The following SYTL3 variants were observed in gnomAD, a reference collection of about 807,000 sequenced individuals.
SYTL3 encodes synaptotagmin like 3.
Under a neutral mutation model 82.1 loss-of-function variants are expected in SYTL3, and 88 were observed. The ratio of observed to expected loss-of-function variants is 1.07; its 90% confidence interval spans 0.90 to 1.28. The LOEUF is 1.28. Ranked by LOEUF, SYTL3 falls within the 50% of genes most tolerant of loss-of-function variation. The pLI, the probability that SYTL3 is intolerant of heterozygous loss-of-function variation, is 0.00. For synonymous variants in SYTL3, 311 were observed against 289.4 expected (o/e 1.07, Z -0.76); for missense variants, 831 against 757.6 (o/e 1.10, Z -1.14).
intron 13 of SYTL3, among the ~76,000 whole-genome samples, chr6:158,752,953 G>C (rs984918712): frequency 6.6e-6 from 1 of 152,086 alleles, no homozygotes; most frequent in African/African-American, 2.4e-5. Flanking sequence ...ATTTACCCAC[G>C]GGGAAACTGA....
At chr6:158,699,223 A>G (rs915716906) in intron 6 of SYTL3, among the ~76,000 whole-genome samples, 2 of 152,166 alleles carry the variant, frequency 1.3e-5, no homozygotes, top group Non-Finnish European at 2.9e-5. Flanking sequence ...GGGACATTCC[A>G]GGGAGTCTGC....
chr6:158,763,241 C>A, intron 16 of SYTL3, 63 bp from the exon 17 acceptor site: 2 of 1,484,190 alleles, frequency 1.3e-6, no homozygotes, highest in Non-Finnish European at 1.9e-6. Flanking sequence ...CACTGACGCA[C>A]AGGCCTCAGG....
rs138802967 is a variant in SYTL3 at position 158,679,143 on chromosome 6, G to T, written c.330-3782G>T. Among the ~76,000 whole-genome samples the T allele has an allele frequency of 4.6e-5, 7 of 152,258 alleles. No homozygotes were observed. In the East Asian group the frequency reaches 7.7e-4, roughly 17 times the overall value. ...CCAGCACTTTGGGAGGCCAAGGCAG[G>T]CAGATCACTTGAGGCCAGGAGTTCA... On this transcript the variant is annotated intron_variant, in intron 5 of 17. Transcript: ENST00000611299.
intron 2 of SYTL3, among the ~76,000 whole-genome samples, chr6:158,653,229 G>A (rs544650109): frequency 2.0e-4 from 30 of 152,060 alleles, no homozygotes; most frequent in Non-Finnish European, 3.1e-4. Context: ...CAAGCAGGCC[G>A]GTCGCAGTGG....
chr6:158,658,449 C>G (rs1381815484), intron 2 of SYTL3, among the ~76,000 whole-genome samples: 2 of 152,124 alleles, frequency 1.3e-5, no homozygotes, highest in Non-Finnish European at 2.9e-5. Context: ...GTGGTTCAAT[C>G]GAATGCCCAA....
chr6:158,673,354 G>A (rs1274023308), intron 5 of SYTL3, among the ~76,000 whole-genome samples: 1 of 151,712 alleles, frequency 6.6e-6, no homozygotes, highest in Non-Finnish European at 1.5e-5. Flanking sequence ...TTTTATTTCG[G>A]TTTAACTCAG....
chr6:158,741,429 A>G (rs1407296508), intron 11 of SYTL3, among the ~76,000 whole-genome samples: 2 of 152,286 alleles, frequency 1.3e-5, no homozygotes, highest in Middle Eastern at 3.4e-3. Flanking sequence ...ATGGAGAAGA[A>G]TTGGGCTCCT....
chr6:158,716,809 C>T (rs1390286833), intron 9 of SYTL3, among the ~76,000 whole-genome samples: 4 of 152,206 alleles, frequency 2.6e-5, no homozygotes, highest in African/African-American at 9.7e-5. Flanking sequence ...TTGCAGTGGC[C>T]TCTAACCACG....
chr6:158,746,881 C>T (rs1026185171), intron 12 of SYTL3, among the ~76,000 whole-genome samples: 2 of 151,924 alleles, frequency 1.3e-5, no homozygotes, highest in African/African-American at 2.4e-5. Context: ...CTTGAACTCT[C>T]AGACTCAAGC....
chr6:158,663,531 G>A (rs1376016556), intron 4 of SYTL3, 153 bp downstream of exon 4: 1 of 985,202 alleles, frequency 1.0e-6, no homozygotes, highest in African/African-American at 1.7e-5. Flanking sequence ...GTCTGTTGGT[G>A]GAGATGATCC....
Position 158,720,559 on chromosome 6 carries a change from C to T in SYTL3, c.720+2348C>T, listed in dbSNP as rs1173648885. 8.2e-4 allele frequency among the ~76,000 whole-genome samples: 125 copies of T among 151,964 alleles called. 2 individuals are homozygous for T. The highest frequency in any genetic ancestry group is 8.2e-3 in the Admixed American group (125 of 15,234). On this transcript the variant is annotated intron_variant, in intron 10 of 17. Transcript: ENST00000611299. ...TCCCATAAGAAGGACAAATGAGGAC[C>T]GCTGAAGAAAGAGGGTTCAGGAAGG...
At chr6:158,764,459 C>T (rs1432039218) in intron 17 of SYTL3, 36 bp from the exon 18 acceptor site, 3 of 1,524,906 alleles carry the variant, frequency 2.0e-6, no homozygotes, top group Non-Finnish European at 2.7e-6. Flanking sequence ...GTGGTGCCCT[C>T]CCCGACCATG....
At chr6:158,691,591 T>G (rs761990643) in intron 6 of SYTL3, among the ~76,000 whole-genome samples, 3 of 152,142 alleles carry the variant, frequency 2.0e-5, no homozygotes, top group Non-Finnish European at 4.4e-5. Context: ...TTAACAACCA[T>G]GACATTCTGT....
chr6:158,728,667 G>A (rs192529158), intron 11 of SYTL3, among the ~76,000 whole-genome samples: 12 of 152,166 alleles, frequency 7.9e-5, no homozygotes, highest in African/African-American at 2.4e-4. Flanking sequence ...AAGGCCGGGC[G>A]CGGTGGCTCA....
upstream of SYTL3, among the ~76,000 whole-genome samples, chr6:158,645,720 C>T (rs1413632146): frequency 1.3e-5 from 2 of 152,142 alleles, no homozygotes; most frequent in Non-Finnish European, 2.9e-5. Context: ...CTATCAGGGT[C>T]TTATTAGAGC....
intron 9 of SYTL3, among the ~76,000 whole-genome samples, chr6:158,717,195 A>G (rs961238883): frequency 6.6e-6 from 1 of 152,046 alleles, no homozygotes; most frequent in African/African-American, 2.4e-5. Flanking sequence ...AATCACTTGA[A>G]CCCAGGAGGC....
intron 13 of SYTL3, among the ~76,000 whole-genome samples, chr6:158,755,637 G>A (rs1562466569): frequency 6.6e-6 from 1 of 152,320 alleles, no homozygotes; most frequent in South Asian, 2.1e-4. Flanking sequence ...GGAAATTACC[G>A]TGTCTCAGTT....
chr6:158,677,645 C>T (rs972635520), intron 5 of SYTL3, among the ~76,000 whole-genome samples: 8 of 132,704 alleles, frequency 6.0e-5, no homozygotes, highest in African/African-American at 2.3e-4. Context: ...GCAGAGGTTG[C>T]AGTGAGCCGA....
chr6:158,710,626 G>C (rs528337049), intron 8 of SYTL3, among the ~76,000 whole-genome samples: 1 of 152,290 alleles, frequency 6.6e-6, no homozygotes, highest in East Asian at 1.9e-4. Context: ...AAACTGTGCT[G>C]TGTGTGAAGG....
Sources: allele counts gnomAD v4.1 joint callset (sites outside exome capture counted in the v4.1 genomes callset), GRCh38; gene constraint gnomAD v4.1.1; transcripts MANE v1.5; gene names NCBI Gene and HGNC (gene_info 2026-07-23, HGNC 2026-07-21).